Variants in GABRB2 observed in about 807,000 individuals in gnomAD.
The protein encoded by GABRB2 is gamma-aminobutyric acid receptor subunit beta-2.
A neutral mutation model predicts 54.7 loss-of-function variants in GABRB2; 16 were observed. The ratio of observed to expected loss-of-function variants is 0.29; its 90% CI spans 0.20 to 0.44. GABRB2 has a LOEUF of 0.44. Among genes scored for constraint, GABRB2 ranks in the 20% least tolerant of loss-of-function variants. GABRB2 has a pLI of 1.00. For missense variants in GABRB2, 355 were observed against 644.0 expected (o/e 0.55, Z 4.86); for synonymous variants, 244 against 233.8 (o/e 1.04, Z -0.40).
At chr5:161,399,431 G>A (rs774765309) in intron 5 of GABRB2, among the ~76,000 whole-genome samples, 3 of 152,146 alleles carry the variant, frequency 2.0e-5, no homozygotes, top group Non-Finnish European at 4.4e-5. Context: ...TGAATGGAGA[G>A]AGAAGTATGG....
intron 9 of GABRB2, among the ~76,000 whole-genome samples, chr5:161,304,984 ATATT>A (rs1311154973): frequency 6.8e-6 from 1 of 147,374 alleles, no homozygotes; most frequent in Non-Finnish European, 1.5e-5. Context: ...GAAGAAAACT[ATATT>A]TATGATATAT....
At chr5:161,357,080 C>T (rs923844524) in intron 5 of GABRB2, among the ~76,000 whole-genome samples, 17 of 152,086 alleles carry the variant, frequency 1.1e-4, no homozygotes, top group Non-Finnish European at 1.6e-4. Flanking sequence ...AGGTGAATTA[C>T]GTACTATGTT....
At chr5:161,442,546 A>C (rs1426823367) in intron 4 of GABRB2, among the ~76,000 whole-genome samples, 2 of 152,192 alleles carry the variant, frequency 1.3e-5, no homozygotes, top group Non-Finnish European at 2.9e-5. Context: ...TTGTCAGCAC[A>C]GAGAAACAGA....
chr5:161,413,585 C>T (rs1756582623), intron 4 of GABRB2, among the ~76,000 whole-genome samples: 1 of 152,124 alleles, frequency 6.6e-6, no homozygotes, highest in Non-Finnish European at 1.5e-5. Flanking sequence ...TTTACATGTA[C>T]ATTCTGAATT....
At chr5:161,545,169 T>C in intron 3 of GABRB2, 58 bp downstream of exon 3, 1 of 1,383,754 alleles carries the variant, frequency 7.2e-7, no homozygotes, top group Admixed American at 1.9e-5. Context: ...GGCTCATTTC[T>C]CCTTCCTGTC....
At chr5:161,379,900 A>G (rs767202299) in intron 5 of GABRB2, among the ~76,000 whole-genome samples, 7 of 152,130 alleles carry the variant, frequency 4.6e-5, no homozygotes, top group Non-Finnish European at 8.8e-5. Context: ...AATGTGGTAA[A>G]ATATGGAGGA....
chr5:161,492,099 C>A (rs1265841567), intron 3 of GABRB2, among the ~76,000 whole-genome samples: 2 of 151,568 alleles, frequency 1.3e-5, no homozygotes, highest in African/African-American at 2.4e-5. Flanking sequence ...TTCAATCTTG[C>A]TTTTTAAATA....
intron 4 of GABRB2, among the ~76,000 whole-genome samples, chr5:161,412,574 C>T (rs1329399584): frequency 6.6e-6 from 1 of 152,208 alleles, no homozygotes; most frequent in Non-Finnish European, 1.5e-5. Context: ...CTCTGCCTAA[C>T]ATTTTCAATG....
chr5:161,322,535 G>A (rs1485178581), intron 9 of GABRB2, among the ~76,000 whole-genome samples: 1 of 152,158 alleles, frequency 6.6e-6, no homozygotes, highest in Admixed American at 6.5e-5. Context: ...TGTGCCCGGA[G>A]AAGAAGTGTT....
In GABRB2 at chr5:161,520,211, C is replaced by T. The variant is rs564599896; in HGVS notation, c.237+25016G>A. On this transcript the variant is annotated intron_variant, in intron 3 of 9. Transcript: ENST00000393959. ...GTATAATTAGGAAGTATGTCTGCACCTGCCCCTGGTAGTAGGTTAAGCGCT... is the reference window on the plus strand; with the variant it reads ...GTATAATTAGGAAGTATGTCTGCACTTGCCCCTGGTAGTAGGTTAAGCGCT... Among the ~76,000 whole-genome samples, 354 of 152,174 alleles carry T rather than the reference C, an allele frequency of 2.3e-3. 4 individuals are homozygous for T. The highest frequency in any genetic ancestry group is 8.3e-3 in the African/African-American group (344 of 41,556).
At chr5:161,323,817 G>A (rs1203268780) in intron 9 of GABRB2, among the ~76,000 whole-genome samples, 6 of 152,118 alleles carry the variant, frequency 3.9e-5, no homozygotes, top group Admixed American at 6.5e-5. Flanking sequence ...ATGTATATGT[G>A]TGTACTACCA....
intron 3 of GABRB2, among the ~76,000 whole-genome samples, chr5:161,508,640 G>A (rs1759677245): frequency 6.6e-6 from 1 of 151,966 alleles, no homozygotes; most frequent in African/African-American, 2.4e-5. Context: ...AAAATAAACT[G>A]TCCAGTTTTC....
At chr5:161,341,951 A>G (rs1267922581) in intron 5 of GABRB2, among the ~76,000 whole-genome samples, 1 of 69,690 alleles carries the variant, frequency 1.4e-5, no homozygotes, top group Admixed American at 1.6e-4. Flanking sequence ...ATATATATAT[A>G]TATATATATA....
chr5:161,387,496 C>T (rs1755682210), intron 5 of GABRB2, among the ~76,000 whole-genome samples: 1 of 152,114 alleles, frequency 6.6e-6, no homozygotes, highest in African/African-American at 2.4e-5. Flanking sequence ...TTTTGTCAAA[C>T]CTAGCCCTCT....
At chr5:161,487,461 G>C (rs1232720135) in intron 3 of GABRB2, among the ~76,000 whole-genome samples, 1 of 151,830 alleles carries the variant, frequency 6.6e-6, no homozygotes, top group Non-Finnish European at 1.5e-5. Flanking sequence ...TACTATTTGG[G>C]TTGAAAACTA....
chr5:161,357,944 C>A (rs777651031), intron 5 of GABRB2, among the ~76,000 whole-genome samples: 3 of 152,096 alleles, frequency 2.0e-5, no homozygotes, highest in Non-Finnish European at 4.4e-5. Context: ...CAAAGCTTGG[C>A]ATTTAAGAGA....
chr5:161,368,716 A>C (rs1008117552), intron 5 of GABRB2, among the ~76,000 whole-genome samples: 2 of 152,218 alleles, frequency 1.3e-5, no homozygotes, highest in African/African-American at 4.8e-5. Flanking sequence ...ATAGTCATCC[A>C]AACAAGACAT....
At chr5:161,450,757 T>C (rs1274998448) in intron 4 of GABRB2, among the ~76,000 whole-genome samples, 1 of 152,224 alleles carries the variant, frequency 6.6e-6, no homozygotes, top group Non-Finnish European at 1.5e-5. Context: ...ATTCTAAATA[T>C]ATTTACTTTT....
chr5:161,497,195 A>G (rs1350837146), intron 3 of GABRB2, among the ~76,000 whole-genome samples: 1 of 152,128 alleles, frequency 6.6e-6, no homozygotes, highest in Non-Finnish European at 1.5e-5. Context: ...CTCACAGGTG[A>G]TCCCAACATG....
Sources: gnomAD v4.1 joint callset for allele counts (sites outside exome capture counted in the v4.1 genomes callset) on GRCh38, gnomAD v4.1.1 for gene constraint, MANE v1.5 for transcripts, NCBI Gene and HGNC (gene_info 2026-07-23, HGNC 2026-07-21) for gene names.